The following ANO3 variants were observed in gnomAD, a reference collection of about 807,000 sequenced individuals.
The protein encoded by ANO3 is anoctamin 3.
A neutral mutation model predicts 144.8 loss-of-function variants in ANO3; 99 were observed. The ratio of observed to expected loss-of-function variants is 0.68; its 90% CI spans 0.58 to 0.81. The LOEUF (loss-of-function observed/expected upper bound fraction) is 0.81. ANO3 is among the 30% of genes least tolerant of loss of function. The pLI is 0.00. For missense variants in ANO3, 905 were observed against 1,202.2 expected, an observed-to-expected ratio of 0.75 and a Z score of 3.66; for synonymous variants, 414 against 392.6, an observed-to-expected ratio of 1.05 and a Z score of -0.64.
intron 17 of ANO3, among the ~76,000 whole-genome samples, chr11:26,619,569 A>G (rs1852355195): frequency 6.6e-6 from 1 of 151,872 alleles, no homozygotes; most frequent in Non-Finnish European, 1.5e-5. Context: ...TGCCTCCCAT[A>G]TTCAAGCTAT....
intron 1 of ANO3, among the ~76,000 whole-genome samples, chr11:26,417,398 T>C (rs1238008237): frequency 1.3e-5 from 2 of 152,118 alleles, no homozygotes; most frequent in Admixed American, 6.6e-5. Flanking sequence ...TGGATAATTC[T>C]CAAATGCCTT....
At chr11:26,391,564 C>T (rs1000392250) in intron 1 of ANO3, among the ~76,000 whole-genome samples, 15 of 151,992 alleles carry the variant, frequency 9.9e-5, no homozygotes, top group Admixed American at 5.3e-4. Flanking sequence ...ATAGCATACA[C>T]TTTCTAGTTT....
At chr11:26,303,300 T>C (rs1446322304) in intron 1 of ANO3, among the ~76,000 whole-genome samples, 1 of 152,142 alleles carries the variant, frequency 6.6e-6, no homozygotes, top group African/African-American at 2.4e-5. Context: ...CCTAGGTGTC[T>C]TTCAATGGTG....
intron 1 of ANO3, among the ~76,000 whole-genome samples, chr11:26,192,010 A>G (rs1444402233): frequency 6.6e-6 from 1 of 152,212 alleles, no homozygotes; most frequent in Non-Finnish European, 1.5e-5. Context: ...TAAATAAATA[A>G]CCAAATAACA....
intron 1 of ANO3, among the ~76,000 whole-genome samples, chr11:26,432,735 T>A (rs1363185169): frequency 6.6e-6 from 1 of 151,964 alleles, no homozygotes; most frequent in African/African-American, 2.4e-5. Context: ...AATTTCACAT[T>A]CTCTATGCTG....
chr11:26,436,697 G>T (rs1032202528), intron 1 of ANO3, among the ~76,000 whole-genome samples: 1 of 152,060 alleles, frequency 6.6e-6, no homozygotes, highest in East Asian at 1.9e-4. Flanking sequence ...TGGGTTGGGG[G>T]TCCACTCCAG....
intron 1 of ANO3, among the ~76,000 whole-genome samples, chr11:26,423,085 T>C (rs1857800922): frequency 6.6e-6 from 1 of 152,016 alleles, no homozygotes; most frequent in Admixed American, 6.6e-5. Flanking sequence ...ATTTGACTAC[T>C]ATTTTCAGCC....
At chr11:26,649,746 AT>A (rs150420645) in intron 24 of ANO3, among the ~76,000 whole-genome samples, 67,415 of 148,624 alleles carry the variant, frequency 0.45, 16,803 homozygotes, top group South Asian at 0.64. Context: ...CAAAAAAAAA[AT>A]ATATATTCAT....
chr11:26,412,118 A>G (rs1184986307), intron 1 of ANO3, among the ~76,000 whole-genome samples: 1 of 152,076 alleles, frequency 6.6e-6, no homozygotes, highest in East Asian at 1.9e-4. Flanking sequence ...TAGAGAAATA[A>G]GAGAGTTTTT....
intron 9 of ANO3, 80 bp from the exon 10 acceptor site, chr11:26,537,326 T>G: frequency 9.0e-7 from 1 of 1,113,492 alleles, no homozygotes; most frequent in Admixed American, 1.7e-5. Flanking sequence ...CGATTCATTG[T>G]TCCCCGTATA....
chr11:26,307,654 G>A (rs982120244), upstream of ANO3, among the ~76,000 whole-genome samples: 1 of 151,302 alleles, frequency 6.6e-6, no homozygotes, highest in African/African-American at 2.4e-5. Flanking sequence ...AGGAGGTGGA[G>A]GTCGCAGTGA....
chr11:26,327,035 T>G (rs1443704378), intron 1 of ANO3, among the ~76,000 whole-genome samples: 2 of 152,224 alleles, frequency 1.3e-5, no homozygotes, highest in Non-Finnish European at 2.9e-5. Flanking sequence ...CATGAAGCTA[T>G]GCAAATCTAC....
chr11:26,305,157 CA>C (rs60302507), upstream of ANO3, among the ~76,000 whole-genome samples: 6,699 of 101,224 alleles, frequency 0.066, 382 homozygotes, highest in African/African-American at 0.19. Flanking sequence ...CCCTACAAGG[CA>C]AAAAAAAAAA....
At chr11:26,565,987 G>T (rs1357490497) in intron 14 of ANO3, 1 of 1,239,412 alleles carries the variant, frequency 8.1e-7, no homozygotes, top group Non-Finnish European at 1.1e-6. Flanking sequence ...TAAAAATCTA[G>T]ACATAATATA....
intron 1 of ANO3, among the ~76,000 whole-genome samples, chr11:26,410,129 A>G (rs1378106333): frequency 6.6e-6 from 1 of 151,970 alleles, no homozygotes; most frequent in Non-Finnish European, 1.5e-5. Context: ...CAGTCACTCG[A>G]TAAGTATGCA....
chr11:26,577,994 C>G (rs1851034113), intron 14 of ANO3, among the ~76,000 whole-genome samples: 1 of 152,146 alleles, frequency 6.6e-6, no homozygotes, highest in African/African-American at 2.4e-5. Context: ...TATTGAATAT[C>G]ATGGAAGGCC....
chr11:26,565,270 T>G (rs1361843551), intron 14 of ANO3: 2 of 1,600,760 alleles, frequency 1.2e-6, no homozygotes, highest in Non-Finnish European at 1.7e-6. Flanking sequence ...CCAGTGAAGC[T>G]ATCACTGTTT....
chr11:26,520,689 G>A (rs888645851), intron 6 of ANO3, among the ~76,000 whole-genome samples: 5 of 151,918 alleles, frequency 3.3e-5, no homozygotes, highest in Admixed American at 6.6e-5. Context: ...TTAGAGAAGT[G>A]GCTCTCAGTC....
At chr11:26,516,415 A>G (rs1861866538) in intron 5 of ANO3, among the ~76,000 whole-genome samples, 1 of 151,774 alleles carries the variant, frequency 6.6e-6, no homozygotes, top group Non-Finnish European at 1.5e-5. Flanking sequence ...AAAATGTGGT[A>G]GAAAAATTAG....
Sources: gnomAD v4.1 joint callset for allele counts (sites outside exome capture counted in the v4.1 genomes callset) on GRCh38, gnomAD v4.1.1 for gene constraint, MANE v1.5 for transcripts, NCBI Gene and HGNC (gene_info 2026-07-23, HGNC 2026-07-21) for gene names.